SETD5: variants seen among roughly 807,000 people sequenced by gnomAD.
SETD5 encodes the protein SET domain containing 5.
Under a neutral mutation model 153.3 loss-of-function variants are expected in SETD5, and 44 were observed. The observed-to-expected ratio is 0.29, with a 90% CI of 0.23 to 0.37. The LOEUF is 0.37. Among genes scored for constraint, SETD5 ranks in the 10% least tolerant of loss-of-function variants. The probability of loss-of-function intolerance (pLI) is 1.00; values close to 1 mark genes in which losing one functional copy is unlikely to be tolerated. For missense variants in SETD5, 1,544 were observed against 1,768.0 expected (o/e 0.87, Z 2.27); for synonymous variants, 716 against 645.2 (o/e 1.11, Z -1.66).
intron 17 of SETD5, among the ~76,000 whole-genome samples, chr3:9,462,535 C>T (rs1353116401): frequency 6.8e-6 from 1 of 147,166 alleles, no homozygotes; most frequent in East Asian, 2.0e-4. Flanking sequence ...TGCAGTGAGC[C>T]GAGATCGTGC....
At chr3:9,448,115 A>G in intron 15 of SETD5, 109 bp downstream of exon 15, 1 of 1,278,748 alleles carries the variant, frequency 7.8e-7, no homozygotes, top group Non-Finnish European at 1.1e-6. Flanking sequence ...TACTAGATTG[A>G]AAGTTCTAAA....
At position 9,409,155 on chromosome 3, in the gene SETD5, G is replaced by C. The variant is rs150899810; in HGVS notation, c.-177+11178G>C. 1.3e-3 allele frequency among the ~76,000 whole-genome samples: 200 copies of C among 152,100 alleles called. 4 individuals carry two copies. The East Asian group carries it at 0.025, about 19-fold the overall frequency. On this transcript the variant is annotated intron_variant, in intron 1 of 22. Coordinates refer to ENST00000402198, the MANE Select transcript of SETD5 (RefSeq NM_001080517.3). ...TCTGACAGAATCTAGAGGACTTCAG[G>C]CATTCTCACACCACCCTTTTTGAGA...
At chr3:9,422,829 T>G (rs1271100401) in intron 1 of SETD5, among the ~76,000 whole-genome samples, 1 of 152,220 alleles carries the variant, frequency 6.6e-6, no homozygotes, top group Non-Finnish European at 1.5e-5. Context: ...CTGTTAACAA[T>G]TGTTTCTCTG....
chr3:9,439,538 C>T (rs1014537493), intron 7 of SETD5, among the ~76,000 whole-genome samples: 1 of 152,178 alleles, frequency 6.6e-6, no homozygotes, highest in African/African-American at 2.4e-5. Context: ...ACTAGCATGA[C>T]ATCATCACTG....
In SETD5 at chr3:9,445,318, A is replaced by G; in HGVS notation, c.1440+18A>G. 1 of 1,593,870 alleles carries G rather than the reference A, an allele frequency of 6.3e-7. No individual in the cohort carries two copies. The highest frequency in any genetic ancestry group is 1.1e-5 in the South Asian group (1 of 87,960). ...ATCATGAGGTAATCGCCCCTGGTCAAATGATGATGCTATGGCATCAATCCT... is the reference window on the plus strand; with the variant it reads ...ATCATGAGGTAATCGCCCCTGGTCAGATGATGATGCTATGGCATCAATCCT... On this transcript the variant is annotated intron_variant, in intron 12 of 22. Transcript: ENST00000402198.
rs1311173589 is a variant in SETD5, at chr3:9,442,053, T to C, written c.960-75T>C. ...GACTGCTGCTGCTTCTCTCAGCATA[T>C]GCTTCATATTTGGAGTCATGGGGTG... is the stretch of plus-strand genomic sequence containing the variant. On this transcript the variant is annotated intron_variant, in intron 9 of 22. Transcript: ENST00000402198. 7.2e-6 allele frequency: 7 copies of C among 971,858 alleles called. No homozygotes were observed. In the East Asian group the frequency reaches 1.5e-4, roughly 21 times the overall value. 60.2% of individuals were successfully genotyped at this position (971,858 alleles called of 1,614,324 possible). A position where few individuals can be genotyped will look rare whatever the true frequency, so the allele number is the denominator to read the frequency against.
At position 9,445,285 on chromosome 3, in the gene SETD5, A is replaced by G. The variant is rs1379136454; in HGVS notation, c.1425A>G (p.Val475=). ...QSQEVPEKVT[V]SSDHEEVDNP... is the part of the protein sequence containing the mutation. The stretch of plus-strand genomic sequence containing the variant: ...AAGAAGTTCCAGAAAAAGTAACTGT[A>G]TCCAGTGATCATGAGGTAATCGCCC... Residue 475 remains valine, a synonymous_variant, in exon 12 of 23, where the codon GTA becomes GTG. Coordinates refer to ENST00000402198, the MANE Select transcript of SETD5 (RefSeq NM_001080517.3). The G allele has an allele frequency of 1.2e-6, 2 of 1,604,946 alleles. No individual in the cohort carries two copies. Among genetic ancestry groups the G allele is most frequent in the Admixed American group, 1.7e-5 (1 of 58,440 alleles).
chr3:9,422,914 T>C (rs2038619942), intron 1 of SETD5, among the ~76,000 whole-genome samples: 1 of 152,230 alleles, frequency 6.6e-6, no homozygotes, highest in Non-Finnish European at 1.5e-5. Flanking sequence ...ATACAAAGAC[T>C]GTCTGAAGCA....
intron 1 of SETD5, among the ~76,000 whole-genome samples, chr3:9,421,206 G>A (rs915023637): frequency 6.6e-6 from 1 of 152,020 alleles, no homozygotes; most frequent in African/African-American, 2.4e-5. Context: ...AGGAATTTAG[G>A]GTTCATCTAT....
chr3:9,432,246 G>A (rs1436735134), intron 3 of SETD5: 1 of 977,806 alleles, frequency 1.0e-6, no homozygotes, highest in African/African-American at 1.8e-5. Flanking sequence ...ACTTTCCTCT[G>A]TCTAAAGTTC....
intron 1 of SETD5, among the ~76,000 whole-genome samples, chr3:9,414,866 A>C (rs1381395855): frequency 2.0e-5 from 3 of 152,092 alleles, no homozygotes; most frequent in African/African-American, 7.2e-5. Flanking sequence ...TGGAAAAGGA[A>C]ATACAGTATT....
chr3:9,448,029 A>G (rs750070392), intron 15 of SETD5, 23 bp downstream of exon 15: 13 of 1,599,440 alleles, frequency 8.1e-6, no homozygotes, highest in African/African-American at 2.7e-5. Context: ...TGCATCCTTT[A>G]TAAGTCCAGT....
At position 9,447,116 on chromosome 3, in the gene SETD5, C is replaced by T. The variant is rs1197285773; in HGVS notation, c.1591C>T (p.Arg531Trp). 1.1e-5 allele frequency: 17 copies of T among 1,613,620 alleles called. No individual in the cohort carries two copies. The highest frequency in any genetic ancestry group is 1.6e-4 in the Middle Eastern group (1 of 6,084). ...AFENLEKRKKRRDQPLEQSNS... is the reference protein window; with the variant it reads ...AFENLEKRKKWRDQPLEQSNS... ...TGAAAACTTAGAGAAAAGAAAGAAGCGGCGGGATCAGCCCTTGGAACAGAG... is the reference window on the plus strand; with the variant it reads ...TGAAAACTTAGAGAAAAGAAAGAAGTGGCGGGATCAGCCCTTGGAACAGAG... The change falls in exon 14 of 23, where the codon CGG (arginine) becomes TGG (tryptophan). Residue 531 changes from arginine to tryptophan, a missense_variant. Around this residue, in one of 9 missense-constraint regions of SETD5, gnomAD observed 782 missense variants for 787.2 expected, o/e 0.99. Coordinates refer to ENST00000402198, the MANE Select transcript of SETD5 (RefSeq NM_001080517.3).
chr3:9,446,275 A>G (rs1250221953), intron 13 of SETD5, among the ~76,000 whole-genome samples: 1 of 112,350 alleles, frequency 8.9e-6, no homozygotes, highest in Non-Finnish European at 1.7e-5. Flanking sequence ...CAAAAGAGCG[A>G]GACTCCATCT....
chr3:9,404,738 A>T (rs559053957), intron 1 of SETD5, among the ~76,000 whole-genome samples: 2 of 152,274 alleles, frequency 1.3e-5, no homozygotes, highest in East Asian at 3.9e-4. Flanking sequence ...TGCTCCTATT[A>T]CCTGGATCTT....
Position 9,476,188 on chromosome 3 carries a change from G to T in SETD5, c.*97G>T. The T allele has an allele frequency of 8.2e-6, 12 of 1,457,328 alleles. No homozygotes were observed. The highest frequency in any genetic ancestry group is 9.1e-6 in the Non-Finnish European group (10 of 1,095,684). The allele number at this position is 1,457,328 out of a possible 1,614,324, so 90.3% of individuals were successfully genotyped here. On this transcript the variant is annotated 3_prime_UTR_variant, in exon 23 of 23. Transcript: ENST00000402198. ...GGCCGAGCATATTGCTGAGGAACGG[G>T]GGGTACAAGGTGCCAGAGGATTGGG...
chr3:9,443,840 C>T (rs569826013), intron 11 of SETD5, among the ~76,000 whole-genome samples: 5 of 152,216 alleles, frequency 3.3e-5, no homozygotes, highest in African/African-American at 9.6e-5. Context: ...CTGAGGCGGG[C>T]GGATCACGAG....
intron 17 of SETD5, among the ~76,000 whole-genome samples, chr3:9,460,275 A>C (rs922935988): frequency 2.0e-5 from 3 of 151,872 alleles, no homozygotes; most frequent in Admixed American, 2.0e-4. Flanking sequence ...AAAAAAAAAA[A>C]CTAAAGAACT....
At chr3:9,411,225 G>C (rs756183689) in intron 1 of SETD5, among the ~76,000 whole-genome samples, 6 of 152,146 alleles carry the variant, frequency 3.9e-5, no homozygotes, top group Admixed American at 1.3e-4. Context: ...GCTACTTGAA[G>C]TGTAGAGAGC....
Sources: allele counts gnomAD v4.1 joint callset (sites outside exome capture counted in the v4.1 genomes callset), GRCh38; gene constraint gnomAD v4.1.1; regional missense constraint gnomAD v4.1.1; transcripts MANE v1.5; gene names NCBI Gene and HGNC (gene_info 2026-07-23, HGNC 2026-07-21).